The following DNAJB2 variants were observed in gnomAD, a reference collection of about 807,000 sequenced individuals.
DNAJB2 encodes the protein dnaJ homolog subfamily B member 2.
A neutral mutation model predicts 33.3 loss-of-function variants in DNAJB2; 19 were observed. The observed-to-expected ratio is 0.57, with a 90% confidence interval of 0.40 to 0.84. The LOEUF is 0.84. Among genes scored for constraint, DNAJB2 ranks in the 40% least tolerant of loss-of-function variants. DNAJB2 has a pLI of 0.00. For synonymous variants in DNAJB2, 172 were observed against 164.6 expected, an observed-to-expected ratio of 1.04 and a Z score of -0.34; for missense variants, 368 against 430.9, an observed-to-expected ratio of 0.85 and a Z score of 1.29.
rs1951944636 is a variant in DNAJB2, at chr2:219,285,249, T to C, written c.*262T>C. 8.4e-7 allele frequency: 1 copy of C among 1,189,232 alleles called. No homozygotes were observed. The highest frequency in any genetic ancestry group is 1.6e-5 in the African/African-American group (1 of 63,988). 73.7% of individuals were successfully genotyped at this position (1,189,232 alleles called of 1,614,324 possible). ...GGCCCGAGGAGCCAGGTTGCATTTATTGGATGGGGAGCTCCAAGGGGCATT... is the reference window on the plus strand; with the variant it reads ...GGCCCGAGGAGCCAGGTTGCATTTACTGGATGGGGAGCTCCAAGGGGCATT... On this transcript the variant is annotated 3_prime_UTR_variant, in exon 9 of 9. Coordinates refer to ENST00000336576, the MANE Select transcript of DNAJB2 (RefSeq NM_006736.6).
In DNAJB2 at chr2:219,285,894, A is replaced by G. The variant is rs1343123632; in HGVS notation, c.*907A>G. 6.4e-7 allele frequency: 1 copy of G among 1,568,544 alleles called. No individual in the cohort carries two copies. The highest frequency in any genetic ancestry group is 1.2e-5 in the South Asian group (1 of 86,548). On this transcript the variant is annotated 3_prime_UTR_variant, in exon 9 of 9. Coordinates refer to ENST00000336576, the MANE Select transcript of DNAJB2 (RefSeq NM_006736.6). The stretch of plus-strand genomic sequence containing the variant: ...ACAAATCAGGGCTCAGGGAGAGGCC[A>G]TGCGGCCAGCCCAGGTCTGCATGCT...
In DNAJB2 at chr2:219,283,391, G is replaced by A. The variant is rs772479925; in HGVS notation, c.549-28G>A. On this transcript the variant is annotated intron_variant, in intron 7 of 8. Transcript: ENST00000336576. Reference sequence around the variant, plus strand: ...CGCCTGCAGGATTCTGTCACTGCTCGTTGCCTGAACTGTGCTGTCTCCCAC... The same window carrying A: ...CGCCTGCAGGATTCTGTCACTGCTCATTGCCTGAACTGTGCTGTCTCCCAC... 1.1e-5 allele frequency: 18 copies of A among 1,612,418 alleles called. No homozygotes were observed. The Admixed American group carries it at 1.2e-4, about 10-fold the overall frequency.
rs1464877806 is a variant in DNAJB2, at chr2:219,283,126, A to G, written c.446-7A>G. The G allele has an allele frequency of 1.2e-6, 2 of 1,614,036 alleles. No homozygotes were observed. Among genetic ancestry groups the G allele is most frequent in the East Asian group, 2.2e-5 (1 of 44,866 alleles). On this transcript the variant is annotated splice_polypyrimidine_tract_variant and splice_region_variant and intron_variant, in intron 6 of 8. Coordinates refer to ENST00000336576, the MANE Select transcript of DNAJB2 (RefSeq NM_006736.6). ...CCTCTCCTCCTCCTCCCTTGTCCCG[A>G]TGCCAGATTTCTCCTCCTCATCTTT...
Position 219,281,236 on chromosome 2 carries a change from C to T in DNAJB2, c.176-482C>T. The T allele has an allele frequency of 1.6e-5, 3 of 189,010 alleles. No individual in the cohort carries two copies. In the South Asian group the frequency reaches 3.0e-4, roughly 19 times the overall value. The allele number at this position is 189,010 out of a possible 1,614,324, so 11.7% of individuals were successfully genotyped here. A position where few individuals can be genotyped will look rare whatever the true frequency, so the allele number is the denominator to read the frequency against. ...GACCAACACCTACCAGGCACACACA[C>T]AGACACAGTTACAGCTTGTGAAGAG... On this transcript the variant is annotated intron_variant, in intron 3 of 8. Coordinates refer to ENST00000336576, the MANE Select transcript of DNAJB2 (RefSeq NM_006736.6).
chr2:219,286,189 G>T lies in DNAJB2; in HGVS notation c.*1202G>T. On this transcript the variant is annotated 3_prime_UTR_variant, in exon 9 of 9. Coordinates refer to ENST00000336576, the MANE Select transcript of DNAJB2 (RefSeq NM_006736.6). Reference sequence around the variant, plus strand: ...GTGCACTCTCTTCCTTGGGTGTTTGGTGCTGGCTCCTGGGGACTACAAATC... The same window carrying T: ...GTGCACTCTCTTCCTTGGGTGTTTGTTGCTGGCTCCTGGGGACTACAAATC... 1 of 690,730 alleles carries T rather than the reference G, an allele frequency of 1.4e-6. No homozygotes were observed. Among genetic ancestry groups the T allele is most frequent in the South Asian group, 2.1e-5 (1 of 46,554 alleles). 42.8% of individuals were successfully genotyped at this position (690,730 alleles called of 1,614,324 possible).
At chr2:219,282,389 T>C (rs1951913522) in intron 5 of DNAJB2, 1 of 391,652 alleles carries the variant, frequency 2.6e-6, no homozygotes, top group Non-Finnish European at 4.6e-6. Context: ...GATAGTGGTA[T>C]TTTTTAATGA....
In DNAJB2 at chr2:219,285,679, G is replaced by C; in HGVS notation, c.*692G>C. On this transcript the variant is annotated 3_prime_UTR_variant, in exon 9 of 9. Coordinates refer to ENST00000336576, the MANE Select transcript of DNAJB2 (RefSeq NM_006736.6). ...GATCTTCTGGGGAGGCTAGCCGGGT[G>C]GGGCGGGAGCCTCTCAGCTGTCCAG... The C allele has an allele frequency of 8.4e-7, 1 of 1,187,704 alleles. No homozygotes were observed. The highest frequency in any genetic ancestry group is 3.8e-5 in the East Asian group (1 of 26,332). 73.6% of individuals were successfully genotyped at this position (1,187,704 alleles called of 1,614,324 possible).
Position 219,286,342 on chromosome 2 carries a change from G to T in DNAJB2, c.*1355G>T, listed in dbSNP as rs1951956505. 1 of 305,382 alleles carries T rather than the reference G, an allele frequency of 3.3e-6. No homozygotes were observed. The highest frequency in any genetic ancestry group is 5.9e-5 in the East Asian group (1 of 16,910). The allele number at this position is 305,382 out of a possible 1,614,324, so 18.9% of individuals were successfully genotyped here. ...CGGCTTGTCACTCGCTGTGAGATGG[G>T]GAGATTTTGTCTTTTGATTTATCCC... On this transcript the variant is annotated 3_prime_UTR_variant, in exon 9 of 9. Coordinates refer to ENST00000336576, the MANE Select transcript of DNAJB2 (RefSeq NM_006736.6).
chr2:219,281,684 AGG>A lies in DNAJB2; in HGVS notation c.176-32_176-31del, dbSNP rs778274050. 12 of 1,613,536 alleles carry A rather than the reference AGG, an allele frequency of 7.4e-6. No homozygotes were observed. In the East Asian group the frequency reaches 2.7e-4, roughly 36 times the overall value. On this transcript the variant is annotated intron_variant, in intron 3 of 8. Coordinates refer to ENST00000336576, the MANE Select transcript of DNAJB2 (RefSeq NM_006736.6). Reference sequence around the variant, plus strand: ...AGCCTGGGAGGGGAGCCCATCCCAGAGGGAGGGTGAAATGATCTGGTCTCTTT... The same window carrying A: ...AGCCTGGGAGGGGAGCCCATCCCAGAGAGGGTGAAATGATCTGGTCTCTTT...
In DNAJB2 at chr2:219,286,125, G is replaced by T; in HGVS notation, c.*1138G>T. On this transcript the variant is annotated 3_prime_UTR_variant, in exon 9 of 9. Coordinates refer to ENST00000336576, the MANE Select transcript of DNAJB2 (RefSeq NM_006736.6). The stretch of plus-strand genomic sequence containing the variant: ...AGTGTAGAGCCGGGGCCTGGGTGGC[G>T]GGTGGGGGCCGGGTGGGAGGTGGCA... 1 of 976,606 alleles carries T rather than the reference G, an allele frequency of 1.0e-6. No individual in the cohort carries two copies. 60.5% of individuals were successfully genotyped at this position (976,606 alleles called of 1,614,324 possible).
Position 219,279,509 on chromosome 2 carries a change from G to C in DNAJB2, c.-46G>C, listed in dbSNP as rs1951884129. The C allele has an allele frequency of 3.6e-6, 1 of 274,132 alleles. No individual in the cohort carries two copies. Among genetic ancestry groups the C allele is most frequent in the African/African-American group, 2.3e-5 (1 of 44,394 alleles). The allele number at this position is 274,132 out of a possible 1,614,324, so 17.0% of individuals were successfully genotyped here. Reference sequence around the variant, plus strand: ...GGCGCCGCAGGAGGCCGGGACTCCTGGCGGAGGAGGTGCGGCCGGGGGCCC... The same window carrying C: ...GGCGCCGCAGGAGGCCGGGACTCCTCGCGGAGGAGGTGCGGCCGGGGGCCC... On this transcript the variant is annotated 5_prime_UTR_variant, in exon 1 of 9. Coordinates refer to ENST00000336576, the MANE Select transcript of DNAJB2 (RefSeq NM_006736.6). The surrounding 1 kb of genome is among the most constrained non-coding windows in gnomAD (Gnocchi z 4.9).
chr2:219,280,134 C>T (rs1258646660), intron 2 of DNAJB2: 2 of 559,628 alleles, frequency 3.6e-6, no homozygotes, highest in Non-Finnish European at 6.4e-6. Context: ...ATGGGTTGTT[C>T]TCCAGTTGAT....
At chr2:219,284,603 G>C in intron 8 of DNAJB2, 29 bp from the exon 9 acceptor site, 1 of 1,556,494 alleles carries the variant, frequency 6.4e-7, no homozygotes, top group South Asian at 1.2e-5. Flanking sequence ...GCTCAGGTTG[G>C]GGCCTCATGG....
rs1243162121 is a variant in DNAJB2 at position 219,279,884 on chromosome 2, T to C, written c.51T>C (p.Asp17=). ...ACGTGCCGCGAAGTGCGTCCGCTGA[T>C]GACATCAAGAAGGCGTAAGTGCCTC... ...ILDVPRSASA[D]DIKKAYRRKA... is the part of the protein sequence containing the mutation. The change falls in exon 2 of 9, where the codon GAT becomes GAC. Residue 17 remains aspartate (D), a synonymous_variant. Coordinates refer to ENST00000336576, the MANE Select transcript of DNAJB2 (RefSeq NM_006736.6). The surrounding 1 kb of genome is among the most constrained non-coding windows in gnomAD (Gnocchi z 4.9). 1.9e-5 allele frequency: 30 copies of C among 1,613,774 alleles called. No individual in the cohort carries two copies. The highest frequency in any genetic ancestry group is 2.5e-5 in the Non-Finnish European group (30 of 1,179,974).
Position 219,286,054 on chromosome 2 carries a change from C to T in DNAJB2, c.*1067C>T. On this transcript the variant is annotated 3_prime_UTR_variant, in exon 9 of 9. Transcript: ENST00000336576. ...GTTCCAACAGGACAGCGCCTTCCCC[C>T]ATGCGCTGGGAGGGGACCCTCCATT... The T allele has an allele frequency of 6.4e-7, 1 of 1,574,634 alleles. No homozygotes were observed. The highest frequency in any genetic ancestry group is 8.6e-7 in the Non-Finnish European group (1 of 1,156,940).
At position 219,286,114 on chromosome 2, in the gene DNAJB2, G is replaced by T; in HGVS notation, c.*1127G>T. On this transcript the variant is annotated 3_prime_UTR_variant, in exon 9 of 9. Coordinates refer to ENST00000336576, the MANE Select transcript of DNAJB2 (RefSeq NM_006736.6). ...CACCCATGCTGAGTGTAGAGCCGGG[G>T]CCTGGGTGGCGGGTGGGGGCCGGGT... 9.4e-7 allele frequency: 1 copy of T among 1,065,156 alleles called. No individual in the cohort carries two copies. The highest frequency in any genetic ancestry group is 2.1e-5 in the South Asian group (1 of 47,168). The allele number at this position is 1,065,156 out of a possible 1,614,324, so 66.0% of individuals were successfully genotyped here. A position where few individuals can be genotyped will look rare whatever the true frequency, so the allele number is the denominator to read the frequency against.
At chr2:219,281,815 G>C (rs752224503) in intron 4 of DNAJB2, 44 bp downstream of exon 4, 9 of 1,613,722 alleles carry the variant, frequency 5.6e-6, no homozygotes, top group Non-Finnish European at 7.6e-6. Context: ...GGGGCAGGGA[G>C]GAGAGGGGCA....
In DNAJB2 at chr2:219,279,755, T is replaced by C; in HGVS notation, c.-36-43T>C. 1.9e-6 allele frequency: 3 copies of C among 1,543,220 alleles called. No individual in the cohort carries two copies. The highest frequency in any genetic ancestry group is 1.4e-5 in the African/African-American group (1 of 73,554). On this transcript the variant is annotated intron_variant, in intron 1 of 8. Coordinates refer to ENST00000336576, the MANE Select transcript of DNAJB2 (RefSeq NM_006736.6). The surrounding 1 kb of genome is among the most constrained non-coding windows in gnomAD (Gnocchi z 4.9). Reference sequence around the variant, plus strand: ...GAGGGGGACTGCTGCAGCCACAGGGTGGGGCTCTTGGTTCTTTCCGCCTGA... The same window carrying C: ...GAGGGGGACTGCTGCAGCCACAGGGCGGGGCTCTTGGTTCTTTCCGCCTGA...
At chr2:219,283,551 T>G in intron 8 of DNAJB2, 62 bp downstream of exon 8, 1 of 1,524,330 alleles carries the variant, frequency 6.6e-7, no homozygotes. Flanking sequence ...CTCAGCAGCC[T>G]CCTCCCCAAA....
Sources: gnomAD v4.1 joint callset for allele counts on GRCh38, gnomAD v4.1.1 for gene constraint, Gnocchi (gnomAD v3.1) non-coding constraint, MANE v1.5 for transcripts, NCBI Gene and HGNC (gene_info 2026-07-23, HGNC 2026-07-21) for gene names.